The following SHTN1 variants were observed in gnomAD, a reference collection of about 807,000 sequenced individuals.
The protein encoded by SHTN1 is shootin-1.
Under a neutral mutation model 83.1 loss-of-function variants are expected in SHTN1, and 42 were observed. That is an observed-to-expected ratio of 0.51 (90% confidence interval 0.39 to 0.65). SHTN1 has a LOEUF of 0.65. SHTN1 is among the 30% of genes least tolerant of loss of function. The probability of loss-of-function intolerance (pLI) is 0.00; values close to 1 mark genes in which losing one functional copy is unlikely to be tolerated. For missense variants in SHTN1, 622 were observed against 737.8 expected, an observed-to-expected ratio of 0.84 and a Z score of 1.82; for synonymous variants, 224 against 247.7, an observed-to-expected ratio of 0.90 and a Z score of 0.90.
intron 1 of SHTN1, among the ~76,000 whole-genome samples, chr10:117,058,614 T>C (rs1220358137): frequency 6.6e-6 from 1 of 152,174 alleles, no homozygotes; most frequent in Non-Finnish European, 1.5e-5. Context: ...TGAAAAACGA[T>C]ATGGCAGAAT....
At chr10:116,998,256 T>C (rs1288860197) in intron 1 of SHTN1, among the ~76,000 whole-genome samples, 3 of 152,222 alleles carry the variant, frequency 2.0e-5, no homozygotes, top group Admixed American at 2.0e-4. Flanking sequence ...CAATATTCTG[T>C]TGTTCAGAGT....
Position 116,886,482 on chromosome 10 carries a change from A to T in SHTN1, c.1758T>A (p.Ser586=). The change falls in exon 17 of 17, where the codon TCT becomes TCA. Residue 586 remains serine (S), a synonymous_variant. Coordinates refer to ENST00000355371, the MANE Select transcript of SHTN1 (RefSeq NM_001127211.3). ...GGTCTTTGGTTTGGGGTTCATGTGT[A>T]GAAACAGGATCTAAAACTACAACTG... ...AEPVVVLDPV[S]THEPQTKDQV... is the part of the protein sequence containing the mutation. 1.2e-6 allele frequency: 2 copies of T among 1,614,158 alleles called. No individual in the cohort carries two copies. Among genetic ancestry groups the T allele is most frequent in the Non-Finnish European group, 1.7e-6 (2 of 1,180,016 alleles).
intron 1 of SHTN1, among the ~76,000 whole-genome samples, chr10:117,116,962 G>A (rs1853857417): frequency 6.6e-6 from 1 of 152,024 alleles, no homozygotes; most frequent in Non-Finnish European, 1.5e-5. Context: ...ATTGAATGAA[G>A]AACAACTGAA....
At chr10:117,069,800 G>A (rs1427740901) in intron 1 of SHTN1, among the ~76,000 whole-genome samples, 3 of 152,092 alleles carry the variant, frequency 2.0e-5, no homozygotes, top group Non-Finnish European at 4.4e-5. Flanking sequence ...TGTTGGGCAT[G>A]GATGAGACAG....
intron 2 of SHTN1, among the ~76,000 whole-genome samples, chr10:117,012,155 A>G (rs1589895002): frequency 6.6e-6 from 1 of 150,838 alleles, no homozygotes; most frequent in East Asian, 1.9e-4. Context: ...AAAAAAAAAG[A>G]GAAAAAGGAA....
intron 1 of SHTN1, among the ~76,000 whole-genome samples, chr10:117,118,354 A>G (rs1043075741): frequency 2.6e-4 from 31 of 117,168 alleles, no homozygotes; most frequent in African/African-American, 9.3e-4. Context: ...AATGAAATAT[A>G]ATCCATTTCA....
upstream of SHTN1, chr10:117,005,388 G>A (rs890305813): frequency 1.7e-6 from 2 of 1,195,764 alleles, no homozygotes; most frequent in Non-Finnish European, 2.1e-6. Flanking sequence ...GCGGCAGGAC[G>A]CGCTGGTGGG....
chr10:116,963,050 T>G (rs1008164067), intron 3 of SHTN1, among the ~76,000 whole-genome samples: 24 of 9,312 alleles, frequency 2.6e-3, no homozygotes, highest in Admixed American at 0.014. Context: ...TTTTTTTTTT[T>G]TTTTTTTTTT....
chr10:116,921,211 A>G (rs1170428868), intron 12 of SHTN1, among the ~76,000 whole-genome samples: 2 of 152,038 alleles, frequency 1.3e-5, no homozygotes, highest in Non-Finnish European at 2.9e-5. Context: ...ATGAAAATAT[A>G]TTTGCCAGTA....
intron 2 of SHTN1, among the ~76,000 whole-genome samples, chr10:117,042,831 G>C (rs1188364069): frequency 2.6e-5 from 4 of 152,018 alleles, no homozygotes; most frequent in African/African-American, 4.8e-5. Flanking sequence ...TCTTAGGCTG[G>C]TCACGAACTC....
At chr10:117,022,838 T>C (rs756132732) in intron 2 of SHTN1, among the ~76,000 whole-genome samples, 17 of 152,080 alleles carry the variant, frequency 1.1e-4, no homozygotes, top group Non-Finnish European at 2.5e-4. Flanking sequence ...GGAGAATCAC[T>C]TGAAGGGAAG....
chr10:116,943,429 G>A (rs1030479670), intron 8 of SHTN1, among the ~76,000 whole-genome samples: 3 of 152,150 alleles, frequency 2.0e-5, no homozygotes, highest in African/African-American at 7.2e-5. Context: ...TTCCAGTTTT[G>A]CAATAAAGGC....
intron 15 of SHTN1, among the ~76,000 whole-genome samples, chr10:116,902,166 T>C (rs142380330): frequency 1.5e-4 from 23 of 152,292 alleles, no homozygotes; most frequent in East Asian, 1.2e-3. Context: ...CGCTGAGAAA[T>C]TGTGTACAGA....
At chr10:117,062,359 G>A (rs1852915858) in intron 1 of SHTN1, among the ~76,000 whole-genome samples, 1 of 152,192 alleles carries the variant, frequency 6.6e-6, no homozygotes, top group Non-Finnish European at 1.5e-5. Context: ...AGTATTGTGT[G>A]TCTTGCTCAA....
chr10:116,885,146 A>T lies in SHTN1; in HGVS notation c.*1198T>A, dbSNP rs1462224511. On this transcript the variant is annotated 3_prime_UTR_variant, in exon 17 of 17. Coordinates refer to ENST00000355371, the MANE Select transcript of SHTN1 (RefSeq NM_001127211.3). ...AAATACAATACAATACAACTACTGC[A>T]ATTATTACTATCATTTTCTTTTGCC... 2 of 152,658 alleles carry T rather than the reference A, an allele frequency of 1.3e-5. No homozygotes were observed. The highest frequency in any genetic ancestry group is 1.5e-5 in the Non-Finnish European group (1 of 68,046). The allele number at this position is 152,658 out of a possible 1,614,324, so 9.5% of individuals were successfully genotyped here. A position where few individuals can be genotyped will look rare whatever the true frequency, so the allele number is the denominator to read the frequency against.
At chr10:116,886,818 GCCAAATGCACCTA>G (rs1168188536) in intron 16 of SHTN1, among the ~76,000 whole-genome samples, 1 of 152,200 alleles carries the variant, frequency 6.6e-6, no homozygotes, top group East Asian at 1.9e-4. Context: ...GTGTTAAAAA[GCCAAATGCACCTA>G]CCTGCTTAAT....
intron 1 of SHTN1, among the ~76,000 whole-genome samples, chr10:117,103,522 T>TCCCCC (rs1383032743): frequency 9.1e-6 from 1 of 109,626 alleles, no homozygotes; most frequent in African/African-American, 3.5e-5. Context: ...TCCCCTCCCC[T>TCCCCC]CCCCTCTCTT....
At chr10:116,984,289 T>C (rs1851150288) in intron 1 of SHTN1, among the ~76,000 whole-genome samples, 1 of 152,074 alleles carries the variant, frequency 6.6e-6, no homozygotes, top group Non-Finnish European at 1.5e-5. Context: ...CTAAAGAAAA[T>C]GTAAAATTCA....
intron 1 of SHTN1, among the ~76,000 whole-genome samples, chr10:117,096,724 C>G (rs1853507370): frequency 6.6e-6 from 1 of 152,194 alleles, no homozygotes; most frequent in African/African-American, 2.4e-5. Context: ...GAGCCGCCAC[C>G]AGGCTGCCTG....
Sources: allele counts gnomAD v4.1 joint callset (sites outside exome capture counted in the v4.1 genomes callset), GRCh38; gene constraint gnomAD v4.1.1; transcripts MANE v1.5; gene names NCBI Gene and HGNC (gene_info 2026-07-23, HGNC 2026-07-21).